The following NNMT variants were observed in gnomAD, a reference collection of about 807,000 sequenced individuals.
The protein encoded by NNMT is nicotinamide N-methyltransferase.
A neutral mutation model predicts 11.7 loss-of-function variants in NNMT; 10 were observed. That is an observed-to-expected ratio of 0.85 (90% CI 0.53 to 1.45). The LOEUF is 1.45. NNMT is among the 40% of genes most tolerant of loss of function. The pLI is 0.00. For synonymous variants in NNMT, 143 were observed against 133.8 expected (o/e 1.07, Z -0.48); for missense variants, 381 against 319.4 (o/e 1.19, Z -1.47).
At chr11:114,287,849 G>A (rs1945309700) in intron 2 of NNMT, among the ~76,000 whole-genome samples, 2 of 152,076 alleles carry the variant, frequency 1.3e-5, no homozygotes, top group African/African-American at 4.8e-5. Context: ...TTCACCATGT[G>A]GAGTCCCCCC....
intron 2 of NNMT, among the ~76,000 whole-genome samples, chr11:114,310,404 A>G (rs921968972): frequency 6.6e-6 from 1 of 152,236 alleles, no homozygotes; most frequent in African/African-American, 2.4e-5. Flanking sequence ...CCTTAAATGG[A>G]AAATTATAGG....
intron 2 of NNMT, among the ~76,000 whole-genome samples, chr11:114,281,920 G>A (rs1200178861): frequency 6.6e-6 from 1 of 152,152 alleles, no homozygotes; most frequent in African/African-American, 2.4e-5. Flanking sequence ...ACTCCTGTGC[G>A]AACTAGAGAC....
At chr11:114,260,953 T>TG (rs1491339026) in intron 1 of NNMT, among the ~76,000 whole-genome samples, 1 of 152,150 alleles carries the variant, frequency 6.6e-6, no homozygotes, top group Non-Finnish European at 1.5e-5. Flanking sequence ...ACCCTAAGAC[T>TG]GGGGTCAGCA....
intron 2 of NNMT, among the ~76,000 whole-genome samples, chr11:114,266,949 G>C (rs1453278587): frequency 6.6e-6 from 1 of 152,174 alleles, no homozygotes; most frequent in Non-Finnish European, 1.5e-5. Context: ...AGAGAAAATA[G>C]ACTGAGAAAC....
intron 2 of NNMT, among the ~76,000 whole-genome samples, chr11:114,309,809 A>G (rs1366525695): frequency 2.0e-5 from 3 of 152,208 alleles, no homozygotes; most frequent in Admixed American, 1.3e-4. Flanking sequence ...GCTCCTGGCA[A>G]CCACTGGTCT....
intron 2 of NNMT, among the ~76,000 whole-genome samples, chr11:114,273,805 A>G (rs1443201015): frequency 1.3e-5 from 2 of 152,070 alleles, no homozygotes; most frequent in African/African-American, 4.8e-5. Context: ...GCTCCATTGC[A>G]CTCCAGCCTG....
intron 1 of NNMT, among the ~76,000 whole-genome samples, chr11:114,259,261 G>C (rs1945054891): frequency 6.6e-6 from 1 of 152,124 alleles, no homozygotes; most frequent in Admixed American, 6.5e-5. Context: ...CAGTTGTCAG[G>C]GGCACGTGAG....
chr11:114,270,899 C>T (rs994290210), intron 2 of NNMT, among the ~76,000 whole-genome samples: 5 of 151,996 alleles, frequency 3.3e-5, no homozygotes, highest in African/African-American at 7.3e-5. Flanking sequence ...CTCAGCCTCC[C>T]GAGTAGCTGG....
At position 114,283,275 on chromosome 11, in the gene NNMT, C is replaced by G. The variant is rs145289609; in HGVS notation, c.-129-13153C>G. Among the ~76,000 whole-genome samples the G allele has an allele frequency of 1.6e-4, 25 of 152,216 alleles. No individual in the cohort carries two copies. In the East Asian group the frequency reaches 3.7e-3, roughly 22 times the overall value. On this transcript the variant is annotated intron_variant, in intron 2 of 4. Coordinates refer to the NNMT transcript ENST00000535401. ...TTGGAAACAATCTGGGTATCTGCTC[C>G]TGGGGGTGTGGATAAATAAATGAGG...
At chr11:114,305,596 G>A (rs534388351) in intron 2 of NNMT, among the ~76,000 whole-genome samples, 2 of 151,442 alleles carry the variant, frequency 1.3e-5, no homozygotes, top group African/African-American at 4.8e-5. Flanking sequence ...AGAACGTGTG[G>A]TGTTTGGTTT....
chr11:114,274,099 G>A (rs1036438849), intron 2 of NNMT, among the ~76,000 whole-genome samples: 22 of 152,196 alleles, frequency 1.4e-4, no homozygotes, highest in African/African-American at 4.1e-4. Context: ...GCTCAGTCAT[G>A]TCTAAGGCTG....
chr11:114,302,232 C>A (rs530843310), intron 2 of NNMT, among the ~76,000 whole-genome samples: 2 of 152,064 alleles, frequency 1.3e-5, no homozygotes, highest in Non-Finnish European at 1.5e-5. Context: ...TGTTGTTCAC[C>A]TGTGTCTTTC....
At chr11:114,286,550 T>A (rs1945301454) in intron 2 of NNMT, among the ~76,000 whole-genome samples, 1 of 152,230 alleles carries the variant, frequency 6.6e-6, no homozygotes, top group Non-Finnish European at 1.5e-5. Flanking sequence ...ACTTTTGGAC[T>A]TTATAGATTG....
rs1239638772 is a variant in NNMT at position 114,289,959 on chromosome 11, C to T, written c.-129-6469C>T. On this transcript the variant is annotated intron_variant, in intron 2 of 4. Coordinates refer to the NNMT transcript ENST00000535401. ...TCTGGTGAGGGCCTGTTTCCTTCTT[C>T]GTAGATAGCACTTTCTCACCGTGTC... is the stretch of plus-strand genomic sequence containing the variant. Among the ~76,000 whole-genome samples, 18 of 152,124 alleles carry T rather than the reference C, an allele frequency of 1.2e-4. 1 individual carries two copies. The highest frequency in any genetic ancestry group is 3.9e-4 in the Admixed American group (6 of 15,274).
intron 1 of NNMT, among the ~76,000 whole-genome samples, chr11:114,260,637 C>A (rs191864440): frequency 1.3e-5 from 2 of 152,190 alleles, no homozygotes; most frequent in African/African-American, 4.8e-5. Context: ...TTGCCTGCAT[C>A]TCTGAGTGCC....
At chr11:114,281,031 G>A (rs984001531) in intron 2 of NNMT, among the ~76,000 whole-genome samples, 1 of 152,202 alleles carries the variant, frequency 6.6e-6, no homozygotes, top group African/African-American at 2.4e-5. Context: ...GCCCAGGAAA[G>A]CCAACCCAGA....
chr11:114,280,175 A>G (rs1945249126), intron 2 of NNMT, among the ~76,000 whole-genome samples: 1 of 152,226 alleles, frequency 6.6e-6, no homozygotes, highest in South Asian at 2.1e-4. Flanking sequence ...AAGGGAAGGC[A>G]GACAATGAGA....
At chr11:114,290,360 C>G (rs560871298) in intron 2 of NNMT, among the ~76,000 whole-genome samples, 1 of 152,188 alleles carries the variant, frequency 6.6e-6, no homozygotes, top group African/African-American at 2.4e-5. Context: ...TATCTTCTTT[C>G]GAATTGATAG....
chr11:114,273,972 G>A (rs988507959), intron 2 of NNMT, among the ~76,000 whole-genome samples: 11 of 152,180 alleles, frequency 7.2e-5, no homozygotes, highest in African/African-American at 2.7e-4. Flanking sequence ...GTAATTTACA[G>A]TGGTCAATTG....
Sources: allele counts gnomAD v4.1 joint callset (sites outside exome capture counted in the v4.1 genomes callset), GRCh38; gene constraint gnomAD v4.1.1; transcripts MANE v1.5; gene names NCBI Gene and HGNC (gene_info 2026-07-23, HGNC 2026-07-21).